The following MICB variants were observed in gnomAD, a reference collection of about 807,000 sequenced individuals.
MICB encodes MHC class I polypeptide-related sequence B.
In MICB, 27 loss-of-function variants were observed where a neutral mutation model predicts 34.3. The observed-to-expected ratio is 0.79, with a 90% confidence interval of 0.58 to 1.08. The LOEUF (loss-of-function observed/expected upper bound fraction) is 1.08, where lower values mean the gene tolerates loss of function less well. Among genes scored for constraint, MICB ranks in the 50% least tolerant of loss-of-function variants. The probability of loss-of-function intolerance (pLI) is 0.00; values close to 1 mark genes in which losing one functional copy is unlikely to be tolerated. For missense variants in MICB, 426 were observed against 483.1 expected, an observed-to-expected ratio of 0.88 and a Z score of 1.11; for synonymous variants, 153 against 187.4, an observed-to-expected ratio of 0.82 and a Z score of 1.50.
At chr6:31,502,514 G>T (rs1362594908) in intron 1 of MICB, among the ~76,000 whole-genome samples, 1 of 152,154 alleles carries the variant, frequency 6.6e-6, no homozygotes, top group Non-Finnish European at 1.5e-5. Flanking sequence ...TAATGAAAAT[G>T]GGATTCGTTT....
intron 1 of MICB, among the ~76,000 whole-genome samples, chr6:31,502,679 G>A (rs1382103288): frequency 6.6e-6 from 1 of 152,216 alleles, no homozygotes; most frequent in Admixed American, 6.5e-5. Context: ...CAGACCACAT[G>A]ATGTGCAAAC....
In MICB at chr6:31,510,573, T is replaced by TCTCAC. The variant is rs1237802585; in HGVS notation, c.*665_*669dup. On this transcript the variant is annotated 3_prime_UTR_variant, in exon 6 of 6. Transcript: ENST00000252229. ...TTTTGTTTTTGTTTTTGAGACAGAG[T>TCTCAC]CTCACTCTGTCACCCAGGCTGCAGT... is the stretch of plus-strand genomic sequence containing the variant. 1 of 152,212 alleles carries TCTCAC rather than the reference T, an allele frequency of 6.6e-6. No individual in the cohort carries two copies. Among genetic ancestry groups the TCTCAC allele is most frequent in the Non-Finnish European group, 1.5e-5 (1 of 68,180 alleles). 9.4% of individuals were successfully genotyped at this position (152,212 alleles called of 1,614,324 possible). A position where few individuals can be genotyped will look rare whatever the true frequency, so the allele number is the denominator to read the frequency against.
chr6:31,498,260 G>C lies in MICB; in HGVS notation c.67G>C (p.Ala23Pro), dbSNP rs757799514. The C allele has an allele frequency of 6.4e-7, 1 of 1,568,096 alleles. No homozygotes were observed. The highest frequency in any genetic ancestry group is 2.5e-5 in the East Asian group (1 of 39,576). Residue 23 changes from alanine to proline, a missense_variant, in exon 1 of 6, where the codon GCT becomes CCT. Ala to Pro is a conservative substitution (Grantham distance 27). Coordinates refer to ENST00000252229, the MANE Select transcript of MICB (RefSeq NM_005931.5). ...AFPFAPPAAA[A>P]EPHSLRYNLM... ...CCCTTTTGCACCCCCGGCAGCCGCC[G>C]CTGGTGAGTGGGGTTCCTGGCGGTC...
chr6:31,495,940 C>T (rs1387852600), upstream of MICB, among the ~76,000 whole-genome samples: 3 of 152,116 alleles, frequency 2.0e-5, no homozygotes, highest in East Asian at 1.9e-4. Context: ...AGGGCACAGT[C>T]GGTACCATCA....
In MICB at chr6:31,504,162, A is replaced by ATG. The variant is rs542927749; in HGVS notation, c.71-1454_71-1453dup. ...ATTTTTCTCCCCCACATAGCTTCTCATGGCTATTTTGCCCATTTTTGAGTG... is the reference window on the plus strand; with the variant it reads ...ATTTTTCTCCCCCACATAGCTTCTCATGTGGCTATTTTGCCCATTTTTGAGTG... On this transcript the variant is annotated intron_variant, in intron 1 of 5. Coordinates refer to ENST00000252229, the MANE Select transcript of MICB (RefSeq NM_005931.5). Among the ~76,000 whole-genome samples, 224 of 149,768 alleles carry ATG rather than the reference A, an allele frequency of 1.5e-3. 1 individual carries two copies. Among genetic ancestry groups the ATG allele is most frequent in the Non-Finnish European group, 2.5e-3 (169 of 67,668 alleles).
chr6:31,498,022 A>T, upstream of MICB: 1 of 386,784 alleles, frequency 2.6e-6, no homozygotes, highest in Non-Finnish European at 4.7e-6. Flanking sequence ...TCTCTTCTGA[A>T]CGTGGCCCCG....
rs536278517 is a variant in MICB, at chr6:31,499,278, G to T, written c.70+1015G>T. ...CCCCTACTAATGACCAATGATCTAAGGACACCAGATTCCCTCTCACCTCCT... is the reference window on the plus strand; with the variant it reads ...CCCCTACTAATGACCAATGATCTAATGACACCAGATTCCCTCTCACCTCCT... On this transcript the variant is annotated intron_variant, in intron 1 of 5. Transcript: ENST00000252229. Among the ~76,000 whole-genome samples the T allele has an allele frequency of 2.1e-4, 32 of 152,018 alleles. No individual in the cohort carries two copies. The South Asian group carries it at 5.6e-3, about 27-fold the overall frequency.
rs45605240 is a variant in MICB, at chr6:31,507,206, C to G, written c.798C>G (p.Thr266=). 6.2e-7 allele frequency: 1 copy of G among 1,614,122 alleles called. No individual in the cohort carries two copies. The change falls in exon 4 of 6, where the codon ACC becomes ACG. Residue 266 remains threonine, a synonymous_variant. Transcript: ENST00000252229. This position sits in a 1 kb window ranked among gnomAD's most constrained non-coding sequence, Gnocchi z 6.0. The part of the protein sequence containing the change: ...VLPDGNGTYQ[T]WVATRIRQGE... ...CTGATGGGAATGGAACCTACCAGAC[C>G]TGGGTGGCCACCAGGATTCGCCAAG...
upstream of MICB, chr6:31,498,025 T>C (rs549813405): frequency 2.6e-6 from 1 of 389,714 alleles, no homozygotes; most frequent in Non-Finnish European, 4.6e-6. Context: ...CTTCTGAACG[T>C]GGCCCCGCCC....
chr6:31,505,355 C>T (rs955090965), intron 1 of MICB, among the ~76,000 whole-genome samples: 5 of 152,236 alleles, frequency 3.3e-5, no homozygotes, highest in Non-Finnish European at 5.9e-5. Flanking sequence ...CCCCTATTCC[C>T]TTAGGGGGCT....
chr6:31,506,254 A>G lies in MICB; in HGVS notation c.437A>G (p.Glu146Gly). The G allele has an allele frequency of 6.2e-7, 1 of 1,614,202 alleles. No homozygotes were observed. Among genetic ancestry groups the G allele is most frequent in the Non-Finnish European group, 8.5e-7 (1 of 1,180,030 alleles). Residue 146 changes from glutamate to glycine, a missense_variant, in exon 3 of 6, where the codon GAG becomes GGG. Coordinates refer to ENST00000252229, the MANE Select transcript of MICB (RefSeq NM_005931.5). ...DGELFLSQNL[E>G]TQESTVPQSS... Reference sequence around the variant, plus strand: ...GAGCTCTTCCTCTCCCAAAACCTGGAGACTCAAGAATCGACAGTGCCCCAG... The same window carrying G: ...GAGCTCTTCCTCTCCCAAAACCTGGGGACTCAAGAATCGACAGTGCCCCAG...
At chr6:31,496,512 A>G (rs9267367), upstream of MICB, among the ~76,000 whole-genome samples, 50,983 of 150,960 alleles carry the variant, frequency 0.34, 8,747 homozygotes, top group East Asian at 0.46. Flanking sequence ...GACTACAGGT[A>G]CCCGCCACCA....
upstream of MICB, chr6:31,498,130 C>G (rs1764770593): frequency 1.4e-6 from 2 of 1,395,764 alleles, no homozygotes; most frequent in Non-Finnish European, 9.8e-7. Context: ...TCGACGGGGT[C>G]TTCTCACGGG....
rs752321829 is a variant in MICB, at chr6:31,507,214, C to T, written c.806C>T (p.Ala269Val). The T allele has an allele frequency of 2.5e-6, 4 of 1,614,108 alleles. No homozygotes were observed. Among genetic ancestry groups the T allele is most frequent in the Non-Finnish European group, 3.4e-6 (4 of 1,180,014 alleles). The change falls in exon 4 of 6, where the codon GCC becomes GTC. Residue 269 changes from alanine to valine, a missense_variant. By Grantham distance (64) the Ala-to-Val change is moderately conservative. Coordinates refer to ENST00000252229, the MANE Select transcript of MICB (RefSeq NM_005931.5). The surrounding 1 kb of genome is among the most constrained non-coding windows in gnomAD (Gnocchi z 6.0). Reference sequence around the variant, plus strand: ...AATGGAACCTACCAGACCTGGGTGGCCACCAGGATTCGCCAAGGAGAGGAG... The same window carrying T: ...AATGGAACCTACCAGACCTGGGTGGTCACCAGGATTCGCCAAGGAGAGGAG... ...DGNGTYQTWV[A>V]TRIRQGEEQR...
chr6:31,505,976 A>G, intron 2 of MICB, 105 bp downstream of exon 2: 8 of 1,490,254 alleles, frequency 5.4e-6, no homozygotes, highest in Admixed American at 2.2e-5. Flanking sequence ...GGGGGTGGGG[A>G]TGAGGAATAG....
At chr6:31,499,923 A>G (rs1208517981) in intron 1 of MICB, among the ~76,000 whole-genome samples, 1 of 149,876 alleles carries the variant, frequency 6.7e-6, no homozygotes, top group African/African-American at 2.5e-5. Context: ...AATCTTTCCC[A>G]AGCCCCACCC....
chr6:31,499,612 C>A (rs1764911778), intron 1 of MICB, among the ~76,000 whole-genome samples: 1 of 152,166 alleles, frequency 6.6e-6, no homozygotes, highest in South Asian at 2.1e-4. Flanking sequence ...ATGCTAATGG[C>A]AGTTGGGCCT....
chr6:31,497,245 G>A (rs551190181), upstream of MICB, among the ~76,000 whole-genome samples: 4 of 152,302 alleles, frequency 2.6e-5, no homozygotes, highest in African/African-American at 4.8e-5. Context: ...GACCAAGGAT[G>A]GTGAAGTTCT....
upstream of MICB, among the ~76,000 whole-genome samples, chr6:31,495,750 T>TG (rs1469444305): frequency 1.5e-5 from 2 of 134,930 alleles, no homozygotes; most frequent in Non-Finnish European, 3.3e-5. Context: ...TGGCTGGGTG[T>TG]GTGGCACTCG....
Sources: allele counts gnomAD v4.1 joint callset (sites outside exome capture counted in the v4.1 genomes callset), GRCh38; gene constraint gnomAD v4.1.1; non-coding constraint Gnocchi (gnomAD v3.1); transcripts MANE v1.5; gene names NCBI Gene and HGNC (gene_info 2026-07-23, HGNC 2026-07-21).